Variants in SLC2A13 observed in about 807,000 individuals in gnomAD.
The protein encoded by SLC2A13 is proton myo-inositol cotransporter.
A neutral mutation model predicts 64.4 loss-of-function variants in SLC2A13; 32 were observed. That is an observed-to-expected ratio of 0.50 (90% CI 0.37 to 0.67). The LOEUF is 0.67. Among genes scored for constraint, SLC2A13 ranks in the 30% least tolerant of loss-of-function variants. The probability of loss-of-function intolerance (pLI) is 0.00; values close to 1 mark genes in which losing one functional copy is unlikely to be tolerated. For synonymous variants in SLC2A13, 338 were observed against 327.1 expected, an observed-to-expected ratio of 1.03 and a Z score of -0.36; for missense variants, 743 against 829.2, an observed-to-expected ratio of 0.90 and a Z score of 1.28.
intron 6 of SLC2A13, among the ~76,000 whole-genome samples, chr12:39,832,655 G>A (rs1004741963): frequency 5.9e-5 from 9 of 151,976 alleles, no homozygotes; most frequent in Admixed American, 3.9e-4. Context: ...CACTGCCCTC[G>A]TGAAGCTGAT....
intron 4 of SLC2A13, among the ~76,000 whole-genome samples, chr12:39,890,769 A>G (rs1944586352): frequency 6.6e-6 from 1 of 152,192 alleles, no homozygotes; most frequent in African/African-American, 2.4e-5. Flanking sequence ...ATATACTGAG[A>G]CCCTATGTTA....
Position 39,783,811 on chromosome 12 carries a change from T to C in SLC2A13, c.1446-18953A>G, listed in dbSNP as rs1941086200. On this transcript the variant is annotated intron_variant, in intron 7 of 9. Transcript: ENST00000280871. Reference sequence around the variant, plus strand: ...TCCCTGTTTGCAGATGACATGACTGTATATTTAGAAAACCCCATCGTCGCA... The same window carrying C: ...TCCCTGTTTGCAGATGACATGACTGCATATTTAGAAAACCCCATCGTCGCA... Among the ~76,000 whole-genome samples, 6 of 152,328 alleles carry C rather than the reference T, an allele frequency of 3.9e-5. No individual in the cohort carries two copies. The South Asian group carries it at 1.2e-3, about 32-fold the overall frequency.
rs905599583 is a variant in SLC2A13 at position 39,830,342 on chromosome 12, C to A, written c.1320-114G>T. On this transcript the variant is annotated intron_variant, in intron 6 of 9. Transcript: ENST00000280871. Reference sequence around the variant, plus strand: ...ACTCTCTTGTGCAGTAAGCTTGGGGCCTTGGGACTTGTTTTGGCCAAGGAA... The same window carrying A: ...ACTCTCTTGTGCAGTAAGCTTGGGGACTTGGGACTTGTTTTGGCCAAGGAA... 30 of 1,469,824 alleles carry A rather than the reference C, an allele frequency of 2.0e-5. No homozygotes were observed. In the Admixed American group the frequency reaches 6.4e-4, roughly 31 times the overall value. 91.0% of individuals were successfully genotyped at this position (1,469,824 alleles called of 1,614,324 possible).
At chr12:39,859,333 GA>G (rs34726316) in intron 6 of SLC2A13, among the ~76,000 whole-genome samples, 4,228 of 61,928 alleles carry the variant, frequency 0.068, 163 homozygotes, top group East Asian at 0.14. Flanking sequence ...TTTTTTTTCT[GA>G]AAAAAAAAAA....
chr12:39,912,873 T>C (rs1018748976), intron 4 of SLC2A13, among the ~76,000 whole-genome samples: 2 of 152,102 alleles, frequency 1.3e-5, no homozygotes, highest in Non-Finnish European at 2.9e-5. Context: ...GTGGCCTACA[T>C]ACAACATAGC....
At chr12:39,911,555 T>C (rs1341028914) in intron 4 of SLC2A13, among the ~76,000 whole-genome samples, 8 of 152,180 alleles carry the variant, frequency 5.3e-5, no homozygotes, top group Middle Eastern at 6.8e-3. Context: ...TCCTTGGCTT[T>C]TGTTTCAGCC....
At chr12:40,042,403 G>C (rs1948103483) in intron 2 of SLC2A13, among the ~76,000 whole-genome samples, 1 of 151,968 alleles carries the variant, frequency 6.6e-6, no homozygotes, top group South Asian at 2.1e-4. Flanking sequence ...TTACCAAAGA[G>C]AAAATAATGA....
At position 39,759,467 on chromosome 12, in the gene SLC2A13, T is replaced by C. The variant is rs1340159249; in HGVS notation, c.*559A>G. 6.5e-6 allele frequency: 1 copy of C among 152,692 alleles called. No homozygotes were observed. The highest frequency in any genetic ancestry group is 1.5e-5 in the Non-Finnish European group (1 of 68,120). 9.5% of individuals were successfully genotyped at this position (152,692 alleles called of 1,614,324 possible). A position where few individuals can be genotyped will look rare whatever the true frequency, so the allele number is the denominator to read the frequency against. ...ACAAAAATATGGAATCCAAAGGAGA[T>C]ACGGACAGCTGTGCCCTTGTAGGAG... On this transcript the variant is annotated 3_prime_UTR_variant, in exon 10 of 10. Coordinates refer to ENST00000280871, the MANE Select transcript of SLC2A13 (RefSeq NM_052885.4).
chr12:39,883,355 G>A (rs533794206), intron 4 of SLC2A13, among the ~76,000 whole-genome samples: 7 of 152,134 alleles, frequency 4.6e-5, no homozygotes, highest in Non-Finnish European at 7.4e-5. Context: ...GTTCCCAGGT[G>A]CCCTCATGGC....
chr12:39,896,450 G>GTGTGTATATATGTATACATATATGTATA lies in SLC2A13; in HGVS notation c.1035-24517_1035-24490dup, dbSNP rs746977326. On this transcript the variant is annotated intron_variant, in intron 4 of 9. Transcript: ENST00000280871. ...TATATATGTATACATATATGTATAT[G>GTGTGTATATATGTATACATATATGTATA]TGTGTATATATGTATACATATATGT... is the stretch of plus-strand genomic sequence containing the variant. Among the ~76,000 whole-genome samples, 36 of 112,858 alleles carry GTGTGTATATATGTATACATATATGTATA rather than the reference G, an allele frequency of 3.2e-4. 1 individual carries two copies. The highest frequency in any genetic ancestry group is 1.6e-3 in the Admixed American group (17 of 10,620). The allele number at this position is 112,858 out of a possible 152,430, so 74.0% of individuals were successfully genotyped here. A position where few individuals can be genotyped will look rare whatever the true frequency, so the allele number is the denominator to read the frequency against.
chr12:39,907,199 T>C (rs1001928094), intron 4 of SLC2A13, among the ~76,000 whole-genome samples: 13 of 152,164 alleles, frequency 8.5e-5, no homozygotes, highest in Non-Finnish European at 1.6e-4. Context: ...AAGCCACTTA[T>C]TAGCTCTTAC....
chr12:39,763,419 T>A (rs1340010530), intron 9 of SLC2A13, among the ~76,000 whole-genome samples: 1 of 152,058 alleles, frequency 6.6e-6, no homozygotes, highest in South Asian at 2.1e-4. Flanking sequence ...ATCTGCAAAA[T>A]TTATCCATGT....
chr12:39,919,638 G>C (rs1945580503), intron 4 of SLC2A13, among the ~76,000 whole-genome samples: 1 of 151,994 alleles, frequency 6.6e-6, no homozygotes, highest in Non-Finnish European at 1.5e-5. Flanking sequence ...TTTTAGACCA[G>C]TGTATAAAAG....
At chr12:39,978,868 C>A (rs894840796) in intron 3 of SLC2A13, among the ~76,000 whole-genome samples, 3 of 151,338 alleles carry the variant, frequency 2.0e-5, no homozygotes, top group Admixed American at 2.0e-4. Context: ...CCTCTGGGGG[C>A]AGGGCACAGA....
intron 7 of SLC2A13, among the ~76,000 whole-genome samples, chr12:39,773,471 C>A (rs1940659975): frequency 1.3e-5 from 2 of 152,150 alleles, no homozygotes; most frequent in Non-Finnish European, 2.9e-5. Context: ...CTCCCCTGCC[C>A]ACTCAACACC....
intron 3 of SLC2A13, among the ~76,000 whole-genome samples, chr12:39,962,909 A>G (rs1268956777): frequency 6.6e-6 from 1 of 152,194 alleles, no homozygotes; most frequent in African/African-American, 2.4e-5. Flanking sequence ...TGAGAAATAT[A>G]TCCCACATTA....
intron 7 of SLC2A13, among the ~76,000 whole-genome samples, chr12:39,823,861 GT>G (rs1942592656): frequency 6.6e-6 from 1 of 152,040 alleles, no homozygotes; most frequent in South Asian, 2.1e-4. Flanking sequence ...GTTTTTTAGT[GT>G]TTTTATTACT....
At chr12:39,983,123 A>T (rs1946947289) in intron 3 of SLC2A13, among the ~76,000 whole-genome samples, 1 of 151,888 alleles carries the variant, frequency 6.6e-6, no homozygotes. Flanking sequence ...CTGGCTAGCC[A>T]TATGTAGAAA....
At chr12:39,834,406 CT>C (rs1942948435) in intron 6 of SLC2A13, among the ~76,000 whole-genome samples, 1 of 152,028 alleles carries the variant, frequency 6.6e-6, no homozygotes, top group African/African-American at 2.4e-5. Flanking sequence ...ATGGACCAAA[CT>C]TTTAATTTCA....
Sources: allele counts gnomAD v4.1 joint callset (sites outside exome capture counted in the v4.1 genomes callset), GRCh38; gene constraint gnomAD v4.1.1; transcripts MANE v1.5; gene names NCBI Gene and HGNC (gene_info 2026-07-23, HGNC 2026-07-21).